ODR4: variants seen among roughly 807,000 people sequenced by gnomAD.
ODR4 encodes protein odr-4 homolog.
ODR4 carries 47 observed loss-of-function variants against 60.2 expected under a neutral mutation model. The ratio of observed to expected loss-of-function variants is 0.78; its 90% CI spans 0.62 to 1.00. The LOEUF is 1.00. Among genes scored for constraint, ODR4 ranks in the 50% least tolerant of loss-of-function variants. The pLI is 0.00. For synonymous variants in ODR4, 178 were observed against 175.5 expected, an observed-to-expected ratio of 1.01 and a Z score of -0.11; for missense variants, 488 against 530.8, an observed-to-expected ratio of 0.92 and a Z score of 0.79.
At chr1:186,414,561 C>T (rs957290629) in intron 12 of ODR4, among the ~76,000 whole-genome samples, 1 of 150,948 alleles carries the variant, frequency 6.6e-6, no homozygotes, top group Non-Finnish European at 1.5e-5. Flanking sequence ...GCTCTGTTGC[C>T]CAGGCTGGAG....
chr1:186,389,927 A>G (rs887051910), intron 6 of ODR4, among the ~76,000 whole-genome samples: 4 of 152,238 alleles, frequency 2.6e-5, no homozygotes, highest in South Asian at 2.1e-4. Flanking sequence ...AGCTGAGACT[A>G]TAGATGTGCA....
At chr1:186,383,678 G>GATATATATATATATATATAT (rs60229243) in intron 3 of ODR4, among the ~76,000 whole-genome samples, 1,455 of 140,386 alleles carry the variant, frequency 0.01, 23 homozygotes, top group East Asian at 0.018. Flanking sequence ...TGTGTATGTA[G>GATATATATATATATATATAT]ATATATATAT....
At chr1:186,417,319 G>T (rs1290549785) in intron 12 of ODR4, 1 of 409,946 alleles carries the variant, frequency 2.4e-6, no homozygotes, top group Non-Finnish European at 4.4e-6. Context: ...CTCTGGTTTA[G>T]TTCAATGATA....
rs192967866 is a variant in ODR4 at position 186,404,351 on chromosome 1, C to T, written c.1001-1732C>T. 3.4e-3 allele frequency among the ~76,000 whole-genome samples: 521 copies of T among 152,190 alleles called. 1 individual carries two copies. Among genetic ancestry groups the T allele is most frequent in the Non-Finnish European group, 5.8e-3 (392 of 67,984 alleles). ...ACTTCTTAATTTGAAAGTTGTAGTG[C>T]TTTTTCTTTTTAATGAGTAATTTAA... On this transcript the variant is annotated intron_variant, in intron 11 of 13. Transcript: ENST00000287859.
chr1:186,388,395 T>G, intron 4 of ODR4, 47 bp from the exon 5 acceptor site: 3 of 1,146,488 alleles, frequency 2.6e-6, no homozygotes, highest in Non-Finnish European at 2.4e-6. Context: ...CACTCATCTT[T>G]TTTTTTCATT....
intron 9 of ODR4, among the ~76,000 whole-genome samples, chr1:186,396,853 A>T (rs1390199788): frequency 1.3e-5 from 2 of 152,128 alleles, no homozygotes; most frequent in Admixed American, 6.5e-5. Flanking sequence ...AAATATGTAA[A>T]ATAGGACATT....
At chr1:186,389,969 TG>T (rs1404120697) in intron 6 of ODR4, among the ~76,000 whole-genome samples, 2 of 152,140 alleles carry the variant, frequency 1.3e-5, no homozygotes, top group Non-Finnish European at 2.9e-5. Flanking sequence ...TTTTGTTTTT[TG>T]TTTTTTGTTT....
rs187819290 is a variant in ODR4 at position 186,410,538 on chromosome 1, G to T, written c.1186+4270G>T. ...TAGAGGAAAGATAGAATGTATATGCGTGATTAGTTATGCAGAGAATGTAGT... is the reference window on the plus strand; with the variant it reads ...TAGAGGAAAGATAGAATGTATATGCTTGATTAGTTATGCAGAGAATGTAGT... On this transcript the variant is annotated intron_variant, in intron 12 of 13. Transcript: ENST00000287859. 2.7e-3 allele frequency among the ~76,000 whole-genome samples: 404 copies of T among 152,190 alleles called. 2 individuals are homozygous for T. The highest frequency in any genetic ancestry group is 0.01 in the Middle Eastern group (3 of 294).
intron 11 of ODR4, among the ~76,000 whole-genome samples, chr1:186,405,490 C>T (rs1195952207): frequency 6.6e-6 from 1 of 152,166 alleles, no homozygotes; most frequent in Admixed American, 6.5e-5. Flanking sequence ...CTTCATAGGA[C>T]AGTGGGTCGT....
At chr1:186,433,770 G>A in the ODR4 span, among the ~76,000 whole-genome samples, 14 of 151,898 alleles carry the variant, frequency 9.2e-5, no homozygotes, top group Non-Finnish European at 1.2e-4. Context: ...CAGTAGAGAC[G>A]GGTTTCGCCA....
In ODR4 at chr1:186,391,715, C is replaced by T. The variant is rs1660475423; in HGVS notation, c.635C>T (p.Ala212Val). 6.2e-7 allele frequency: 1 copy of T among 1,600,682 alleles called. No homozygotes were observed. The highest frequency in any genetic ancestry group is 1.3e-5 in the African/African-American group (1 of 74,534). Residue 212 changes from alanine to valine, a missense_variant, in exon 8 of 14, where the codon GCC (alanine) becomes GTC (valine). Transcript: ENST00000287859. ...GTTAAGAATGGACTTACACGCTGGG[C>T]CAAGGAAATAGAAAATGGTGTTTAT... ...KNTKNGLTRW[A>V]KEIENGVYLI... is the part of the protein sequence containing the mutation.
chr1:186,421,529 A>G (rs1174151719), downstream of ODR4, among the ~76,000 whole-genome samples: 2 of 152,158 alleles, frequency 1.3e-5, no homozygotes, highest in Admixed American at 1.3e-4. Flanking sequence ...ATGTTATAAT[A>G]AATATGTGTA....
chr1:186,417,143 A>G (rs1661605688), intron 12 of ODR4, among the ~76,000 whole-genome samples: 1 of 151,584 alleles, frequency 6.6e-6, no homozygotes, highest in Admixed American at 6.6e-5. Context: ...TTTGTATTTT[A>G]GTAGAGACGG....
intron 10 of ODR4, 120 bp downstream of exon 10, chr1:186,398,561 T>A: frequency 1.1e-6 from 1 of 950,108 alleles, no homozygotes; most frequent in Non-Finnish European, 1.5e-6. Context: ...GATAATGGCC[T>A]ATTGTGCAGT....
At chr1:186,423,804 C>G (rs1461546178), downstream of ODR4, among the ~76,000 whole-genome samples, 1 of 151,940 alleles carries the variant, frequency 6.6e-6, no homozygotes. Context: ...AATGACAAAC[C>G]AGGTATTTTC....
Position 186,383,038 on chromosome 1 carries a change from A to T in ODR4, c.116A>T (p.Asp39Val), listed in dbSNP as rs572545378. ...LLIGQCSSQK[D>V]YVILATRTPP... ...TTGTTGAAGTGTTCGTCACAAAAGG[A>T]TTATGTGATTCTTGCCACTAGAACG... Residue 39 changes from aspartate (D) to valine (V), a missense_variant, in exon 3 of 14, where the codon GAT (aspartate) becomes GTT (valine). Transcript: ENST00000287859. 3 of 1,584,672 alleles carry T rather than the reference A, an allele frequency of 1.9e-6. No individual in the cohort carries two copies. In the South Asian group the frequency reaches 3.5e-5, roughly 18 times the overall value.
At chr1:186,400,285 C>T (rs1432184195) in intron 11 of ODR4, among the ~76,000 whole-genome samples, 7 of 150,758 alleles carry the variant, frequency 4.6e-5, no homozygotes, top group African/African-American at 7.3e-5. Flanking sequence ...CCACCGCGCC[C>T]GGCCTCCCCA....
intron 11 of ODR4, chr1:186,401,185 T>C (rs749138676): frequency 6.3e-7 from 1 of 1,580,408 alleles, no homozygotes; most frequent in Non-Finnish European, 8.6e-7. Context: ...CTTTGAAATT[T>C]TTGCTGATGT....
intron 2 of ODR4, among the ~76,000 whole-genome samples, 179 bp from the exon 3 acceptor site, chr1:186,382,843 C>T (rs571670932): frequency 3.3e-5 from 5 of 152,246 alleles, no homozygotes; most frequent in African/African-American, 1.2e-4. Flanking sequence ...GATTGTAAGG[C>T]CATCCTTGAA....
Sources: gnomAD v4.1 joint callset for allele counts (sites outside exome capture counted in the v4.1 genomes callset) on GRCh38, gnomAD v4.1.1 for gene constraint, MANE v1.5 for transcripts, NCBI Gene and HGNC (gene_info 2026-07-23, HGNC 2026-07-21) for gene names.